The following ZNF425 variants were observed in gnomAD, a reference collection of about 807,000 sequenced individuals.
ZNF425 encodes the protein zinc finger protein 425.
ZNF425 carries 21 observed loss-of-function variants against 17.0 expected under a neutral mutation model. The observed-to-expected ratio is 1.23, with a 90% CI of 0.88 to 1.78. ZNF425 has a LOEUF of 1.78. Ranked by LOEUF, ZNF425 falls within the 40% of genes most tolerant of loss-of-function variation. The probability of loss-of-function intolerance (pLI) is 0.00; values close to 1 mark genes in which losing one functional copy is unlikely to be tolerated. For synonymous variants in ZNF425, 433 were observed against 384.1 expected, an observed-to-expected ratio of 1.13 and a Z score of -1.49; for missense variants, 868 against 967.3, an observed-to-expected ratio of 0.90 and a Z score of 1.36.
Position 149,104,362 on chromosome 7 carries a change from G to T in ZNF425, c.1509C>A (p.Cys503Ter). 1 of 1,611,810 alleles carries T rather than the reference G, an allele frequency of 6.2e-7. No homozygotes were observed. Among genetic ancestry groups the T allele is most frequent in the Non-Finnish European group, 8.5e-7 (1 of 1,179,084 alleles). ...DRQKEFPCGE[C>*]KKTFSQQSRL... Reference sequence around the variant, plus strand: ...GCGACTGCTGAGAAAAGGTCTTTTTGCACTCGCCGCAGGGAAACTCCTTCT... The same window carrying T: ...GCGACTGCTGAGAAAAGGTCTTTTTTCACTCGCCGCAGGGAAACTCCTTCT... The change falls in exon 4 of 4, where the codon TGC (cysteine) becomes TGA (stop). Residue 503 changes from cysteine (C) to a stop codon, truncating the protein, a stop_gained. Transcript: ENST00000378061. LOFTEE classifies it low-confidence loss of function (END_TRUNC). This position sits in a 1 kb window ranked among gnomAD's most constrained non-coding sequence, Gnocchi z 4.3.
In ZNF425 at chr7:149,105,058, C is replaced by T. The variant is rs1179431055; in HGVS notation, c.813G>A (p.Gln271=). Residue 271 remains glutamine (Q), a synonymous_variant, in exon 4 of 4, where the codon CAG becomes CAA. Coordinates refer to ENST00000378061, the MANE Select transcript of ZNF425 (RefSeq NM_001001661.3). ...LVTHQVVHTG[Q]RPYPCPECDK... is the part of the protein sequence containing the mutation. The stretch of plus-strand genomic sequence containing the variant: ...CGCACTCAGGGCATGGGTAGGGCCG[C>T]TGGCCGGTGTGGACAACCTGATGAG... The T allele has an allele frequency of 1.9e-6, 3 of 1,614,234 alleles. No individual in the cohort carries two copies. The highest frequency in any genetic ancestry group is 2.5e-6 in the Non-Finnish European group (3 of 1,180,046).
In ZNF425 at chr7:149,103,994, T is replaced by G. The variant is rs1484113256; in HGVS notation, c.1877A>C (p.Lys626Thr). The G allele has an allele frequency of 1.2e-6, 2 of 1,613,984 alleles. No homozygotes were observed. The highest frequency in any genetic ancestry group is 1.7e-6 in the Non-Finnish European group (2 of 1,179,862). ...GCCACTGTGCTGCAGCAGGTGGCTT[T>G]TCAGGTTTCCCTTGAGGCGGAAAGT... is the stretch of plus-strand genomic sequence containing the variant. ...EKTFRLKGNL[K>T]SHLLQHSGQK... The change falls in exon 4 of 4, where the codon AAA becomes ACA. Residue 626 changes from lysine (K) to threonine (T), a missense_variant. Lys to Thr is a moderately conservative substitution (Grantham distance 78). This residue lies in a region of ZNF425 where 437 missense variants were observed against 444.2 expected (regional missense o/e 0.98). Transcript: ENST00000378061.
intron 2 of ZNF425, among the ~76,000 whole-genome samples, chr7:149,116,562 A>C (rs1056256735): frequency 1.3e-5 from 2 of 152,152 alleles, no homozygotes; most frequent in African/African-American, 4.8e-5. Context: ...ACTCTTGGCT[A>C]GTGTCTCTCC....
chr7:149,121,633 G>A (rs1437259419), intron 1 of ZNF425, among the ~76,000 whole-genome samples: 4 of 152,016 alleles, frequency 2.6e-5, no homozygotes, highest in Admixed American at 2.0e-4. Flanking sequence ...CTTGTGATCC[G>A]CCCACCTCGG....
chr7:149,111,474 C>T lies in ZNF425; in HGVS notation c.304+663G>A, dbSNP rs183691890. Among the ~76,000 whole-genome samples, 1,465 of 150,538 alleles carry T rather than the reference C, an allele frequency of 9.7e-3. 29 individuals carry two copies. The highest frequency in any genetic ancestry group is 0.033 in the African/African-American group (1,375 of 41,072). The stretch of plus-strand genomic sequence containing the variant: ...AGGTGTGGTGGCAGGCATCTGTAGT[C>T]CCAGCTACTCTGGAGGCTGAGGAAG... On this transcript the variant is annotated intron_variant, in intron 3 of 3. Coordinates refer to ENST00000378061, the MANE Select transcript of ZNF425 (RefSeq NM_001001661.3).
intron 1 of ZNF425, among the ~76,000 whole-genome samples, chr7:149,122,076 C>T (rs540437542): frequency 1.4e-4 from 20 of 145,558 alleles, no homozygotes; most frequent in South Asian, 4.3e-4. Flanking sequence ...TCACCACCGC[C>T]GGCTTTTTTT....
At chr7:149,105,872 G>A (rs111889209) in intron 3 of ZNF425, among the ~76,000 whole-genome samples, 6,730 of 151,224 alleles carry the variant, frequency 0.045, 522 homozygotes, top group African/African-American at 0.15. Flanking sequence ...GGATGACCTC[G>A]TGATCCACTG....
chr7:149,114,234 T>G (rs1053063175), intron 2 of ZNF425, among the ~76,000 whole-genome samples: 2 of 91,126 alleles, frequency 2.2e-5, no homozygotes, highest in Non-Finnish European at 5.1e-5. Flanking sequence ...AATTTTTTTT[T>G]TTTTTTTTTT....
At chr7:149,120,970 T>G (rs1826340625) in intron 1 of ZNF425, among the ~76,000 whole-genome samples, 1 of 147,308 alleles carries the variant, frequency 6.8e-6, no homozygotes, top group African/African-American at 2.4e-5. Flanking sequence ...TTTATTTTTC[T>G]GGGGTAAATG....
At chr7:149,124,859 T>C (rs1398630937) in intron 1 of ZNF425, among the ~76,000 whole-genome samples, 4 of 152,226 alleles carry the variant, frequency 2.6e-5, no homozygotes, top group African/African-American at 9.6e-5. Context: ...GTTTTCCACC[T>C]ATAAAATTCC....
chr7:149,112,738 T>A (rs1662012473), intron 2 of ZNF425, among the ~76,000 whole-genome samples: 1 of 152,158 alleles, frequency 6.6e-6, no homozygotes, highest in South Asian at 2.1e-4. Context: ...CAATCTTGGC[T>A]CATTGCAACC....
rs770192316 is a variant in ZNF425, at chr7:149,103,865, G to A, written c.2006C>T (p.Pro669Leu). 4 of 1,613,758 alleles carry A rather than the reference G, an allele frequency of 2.5e-6. No homozygotes were observed. Among genetic ancestry groups the A allele is most frequent in the Admixed American group, 3.3e-5 (2 of 59,956 alleles). ...GATGCAGTAGCTCTTGTCACACTCC[G>A]GACACTGGAAGGGCTTCTCCCCGCT... ...VHSGEKPFQCPECDKSYCIRG... is the reference protein window; with the variant it reads ...VHSGEKPFQCLECDKSYCIRG... Residue 669 changes from proline to leucine, a missense_variant, in exon 4 of 4, where the codon CCG becomes CTG. Transcript: ENST00000378061.
intron 2 of ZNF425, among the ~76,000 whole-genome samples, chr7:149,114,988 G>A (rs1321157226): frequency 7.6e-6 from 1 of 131,822 alleles, no homozygotes; most frequent in East Asian, 2.2e-4. Context: ...AGGCTGGACT[G>A]CAGAGTTGTG....
intron 3 of ZNF425, among the ~76,000 whole-genome samples, chr7:149,107,495 G>A (rs1366531768): frequency 1.3e-5 from 2 of 151,492 alleles, no homozygotes; most frequent in South Asian, 2.1e-4. Context: ...CCACCACCAC[G>A]CCCGGCTAAT....
rs777352991 is a variant in ZNF425, at chr7:149,104,872, C to T, written c.999G>A (p.Pro333=). ...TCAGGCGGAAGCACCGGTCACACTG[C>T]GGACACTGGAAGGGCTTCTCTCCGC... is the stretch of plus-strand genomic sequence containing the variant. ...LHSGEKPFQC[P]QCDRCFRLKR... is the part of the protein sequence containing the mutation. The change falls in exon 4 of 4, where the codon CCG becomes CCA. Residue 333 remains proline, a synonymous_variant. Transcript: ENST00000378061. The surrounding 1 kb of genome is among the most constrained non-coding windows in gnomAD (Gnocchi z 4.3). 14 of 1,612,686 alleles carry T rather than the reference C, an allele frequency of 8.7e-6. No individual in the cohort carries two copies. Among genetic ancestry groups the T allele is most frequent in the Admixed American group, 6.7e-5 (4 of 59,810 alleles).
chr7:149,109,477 C>T (rs1478077470), intron 3 of ZNF425, among the ~76,000 whole-genome samples: 7 of 152,124 alleles, frequency 4.6e-5, no homozygotes, highest in African/African-American at 1.7e-4. Flanking sequence ...CCAAATCTGC[C>T]CATTTTTTGC....
intron 1 of ZNF425, among the ~76,000 whole-genome samples, chr7:149,120,707 T>C (rs1285751496): frequency 6.6e-6 from 1 of 152,176 alleles, no homozygotes; most frequent in Non-Finnish European, 1.5e-5. Context: ...ATCTAGGTTT[T>C]TGGAAGCACA....
At chr7:149,105,957 C>CTT (rs35777509) in intron 3 of ZNF425, among the ~76,000 whole-genome samples, 64,638 of 119,324 alleles carry the variant, frequency 0.54, 20,160 homozygotes, top group East Asian at 0.89. Context: ...AATTTTTTTC[C>CTT]TTTTTTTTTT....
rs542598588 is a variant in ZNF425 at position 149,118,446 on chromosome 7, A to C, written c.19-98T>G. The C allele has an allele frequency of 1.3e-4, 178 of 1,397,494 alleles. No homozygotes were observed. The East Asian group carries it at 3.2e-3, about 25-fold the overall frequency. The allele number at this position is 1,397,494 out of a possible 1,614,324, so 86.6% of individuals were successfully genotyped here. On this transcript the variant is annotated intron_variant, in intron 1 of 3. Transcript: ENST00000378061. ...TTGAGATACAGAAAGAAAACATGTT[A>C]ATTATTTCTGGATGGTGCCATATTA...
Sources: allele counts gnomAD v4.1 joint callset (sites outside exome capture counted in the v4.1 genomes callset), GRCh38; gene constraint gnomAD v4.1.1; regional missense constraint gnomAD v4.1.1; non-coding constraint Gnocchi (gnomAD v3.1); transcripts MANE v1.5; gene names NCBI Gene and HGNC (gene_info 2026-07-23, HGNC 2026-07-21).